Variants in RABGAP1L observed in about 807,000 individuals in gnomAD.
The protein encoded by RABGAP1L is RAB GTPase activating protein 1 like, also known as rab GTPase-activating protein 1-like.
A neutral mutation model predicts 137.7 loss-of-function variants in RABGAP1L; 63 were observed. The observed-to-expected ratio is 0.46, with a 90% CI of 0.37 to 0.56. The LOEUF (loss-of-function observed/expected upper bound fraction) is 0.56, where lower values mean the gene tolerates loss of function less well. Among genes scored for constraint, RABGAP1L ranks in the 20% least tolerant of loss-of-function variants. The pLI is 0.00. For missense variants in RABGAP1L, 1,095 were observed against 1,244.0 expected (o/e 0.88, Z 1.80); for synonymous variants, 431 against 433.7 (o/e 0.99, Z 0.08).
chr1:174,396,086 G>T (rs1195561096), intron 13 of RABGAP1L, among the ~76,000 whole-genome samples: 1 of 152,030 alleles, frequency 6.6e-6, no homozygotes, highest in Non-Finnish European at 1.5e-5. Context: ...CATATTTTAT[G>T]ATTATTTTTA....
intron 13 of RABGAP1L, among the ~76,000 whole-genome samples, chr1:174,496,718 A>G (rs929353090): frequency 2.6e-5 from 4 of 152,182 alleles, no homozygotes; most frequent in Non-Finnish European, 5.9e-5. Context: ...TGACCATGAA[A>G]CAACTCAGCT....
intron 10 of RABGAP1L, among the ~76,000 whole-genome samples, chr1:174,290,362 C>G (rs955987783): frequency 6.6e-6 from 1 of 152,228 alleles, no homozygotes; most frequent in African/African-American, 2.4e-5. Flanking sequence ...TAGATGTTCA[C>G]CTTGTGCTGC....
chr1:174,269,092 G>A (rs946687037), intron 7 of RABGAP1L, among the ~76,000 whole-genome samples: 4 of 151,920 alleles, frequency 2.6e-5, no homozygotes, highest in Admixed American at 2.0e-4. Flanking sequence ...ACATGCGCCC[G>A]CCACCAGGCC....
At chr1:174,662,056 C>T (rs1572719585) in intron 14 of RABGAP1L, among the ~76,000 whole-genome samples, 2 of 150,062 alleles carry the variant, frequency 1.3e-5, no homozygotes, top group East Asian at 3.9e-4. Flanking sequence ...ATAAAACAGC[C>T]TGAGGTAGGT....
chr1:174,608,102 G>C (rs112723379), intron 13 of RABGAP1L, among the ~76,000 whole-genome samples: 6 of 152,198 alleles, frequency 3.9e-5, no homozygotes, highest in African/African-American at 1.4e-4. Context: ...CATTTCGCAG[G>C]GCAGATGTGA....
chr1:174,921,176 G>A (rs958181847), intron 19 of RABGAP1L, among the ~76,000 whole-genome samples: 16 of 152,216 alleles, frequency 1.1e-4, no homozygotes, highest in Middle Eastern at 3.4e-3. Flanking sequence ...ACCTGCCGCG[G>A]CCTCCCAGTG....
At chr1:174,416,037 C>CACATATACAT (rs1483801335) in intron 13 of RABGAP1L, among the ~76,000 whole-genome samples, 33,267 of 123,598 alleles carry the variant, frequency 0.27, 5,528 homozygotes, top group African/African-American at 0.44. Context: ...TATATATATA[C>CACATATACAT]ACACACATTT....
In RABGAP1L at chr1:174,984,084, A is replaced by G. The variant is rs181467157; in HGVS notation, c.2805+1179A>G. ...AAAAAAAAAAAAAAAAAAAAGGGATACATGTGCAGAAGGTGCAGGTTTGTT... is the reference window on the plus strand; with the variant it reads ...AAAAAAAAAAAAAAAAAAAAGGGATGCATGTGCAGAAGGTGCAGGTTTGTT... On this transcript the variant is annotated intron_variant, in intron 24 of 25. Coordinates refer to ENST00000681986, the MANE Select transcript of RABGAP1L (RefSeq NM_001366446.1). Among the ~76,000 whole-genome samples the G allele has an allele frequency of 5.7e-4, 84 of 147,846 alleles. No individual in the cohort carries two copies. In the South Asian group the frequency reaches 7.7e-3, roughly 14 times the overall value.
intron 1 of RABGAP1L, among the ~76,000 whole-genome samples, chr1:174,163,923 T>C (rs1399409740): frequency 7.2e-5 from 11 of 152,164 alleles, no homozygotes; most frequent in Non-Finnish European, 1.5e-5. Context: ...TTCTTAGTAA[T>C]GGAAGTCTCA....
intron 7 of RABGAP1L, among the ~76,000 whole-genome samples, chr1:174,253,725 G>A (rs191828906): frequency 6.6e-6 from 1 of 152,274 alleles, no homozygotes; most frequent in Non-Finnish European, 1.5e-5. Context: ...TCAATTATCA[G>A]TCAGTACTGA....
At chr1:174,422,232 T>G (rs1651401795) in intron 13 of RABGAP1L, among the ~76,000 whole-genome samples, 1 of 152,140 alleles carries the variant, frequency 6.6e-6, no homozygotes, top group Non-Finnish European at 1.5e-5. Context: ...TGTATTTTCA[T>G]TTTGCACTGA....
chr1:174,520,999 C>CA (rs1004905692), intron 13 of RABGAP1L, among the ~76,000 whole-genome samples: 2 of 151,658 alleles, frequency 1.3e-5, no homozygotes, highest in African/African-American at 2.4e-5. Flanking sequence ...GACTCTGTTG[C>CA]AAAAAAACAG....
intron 22 of RABGAP1L, among the ~76,000 whole-genome samples, chr1:174,978,079 A>C (rs2149381026): frequency 6.6e-6 from 1 of 152,322 alleles, no homozygotes; most frequent in Non-Finnish European, 1.5e-5. Flanking sequence ...CAACTTGCAG[A>C]ATTTAATTCT....
intron 4 of RABGAP1L, among the ~76,000 whole-genome samples, chr1:174,238,354 A>C (rs1370268909): frequency 6.6e-6 from 1 of 152,048 alleles, no homozygotes; most frequent in South Asian, 2.1e-4. Flanking sequence ...TCTGCGTTTT[A>C]GAGTTTCCAG....
intron 19 of RABGAP1L, among the ~76,000 whole-genome samples, chr1:174,952,992 A>G (rs1667949863): frequency 6.7e-6 from 1 of 150,362 alleles, no homozygotes; most frequent in East Asian, 2.0e-4. Flanking sequence ...GGGAAACTCC[A>G]TCTCAAATAA....
intron 18 of RABGAP1L, among the ~76,000 whole-genome samples, chr1:174,762,950 G>T (rs1363737886): frequency 1.3e-5 from 2 of 151,442 alleles, no homozygotes; most frequent in African/African-American, 4.9e-5. Context: ...GAATAGCTGG[G>T]ACTACAGGCA....
chr1:174,265,807 A>T (rs1426502909), intron 7 of RABGAP1L, among the ~76,000 whole-genome samples: 3 of 151,676 alleles, frequency 2.0e-5, no homozygotes, highest in Admixed American at 6.6e-5. Flanking sequence ...TTGAAAATTT[A>T]AAAAAAGTGG....
At chr1:174,452,398 C>G (rs1470353340) in intron 13 of RABGAP1L, among the ~76,000 whole-genome samples, 1 of 152,058 alleles carries the variant, frequency 6.6e-6, no homozygotes, top group Non-Finnish European at 1.5e-5. Context: ...GCTCCAAAAC[C>G]TTAGTTTTGG....
intron 18 of RABGAP1L, among the ~76,000 whole-genome samples, chr1:174,774,418 T>C (rs778519036): frequency 1.3e-5 from 2 of 151,970 alleles, no homozygotes; most frequent in Non-Finnish European, 2.9e-5. Flanking sequence ...TAGTGAGATC[T>C]TGTCTCTACA....
Sources: allele counts gnomAD v4.1 joint callset (sites outside exome capture counted in the v4.1 genomes callset), GRCh38; gene constraint gnomAD v4.1.1; transcripts MANE v1.5; gene names NCBI Gene and HGNC (gene_info 2026-07-23, HGNC 2026-07-21).